The following FOXN3 variants were observed in gnomAD, a reference collection of about 807,000 sequenced individuals.
FOXN3 encodes the protein forkhead box protein N3.
A neutral mutation model predicts 38.4 loss-of-function variants in FOXN3; 7 were observed. That is an observed-to-expected ratio of 0.18 (90% CI 0.10 to 0.34). The LOEUF (loss-of-function observed/expected upper bound fraction) is 0.34. Among genes scored for constraint, FOXN3 ranks in the 10% least tolerant of loss-of-function variants. The pLI, the probability that FOXN3 is intolerant of heterozygous loss-of-function variation, is 1.00. For synonymous variants in FOXN3, 230 were observed against 242.2 expected (o/e 0.95, Z 0.47); for missense variants, 456 against 613.4 (o/e 0.74, Z 2.71).
intron 2 of FOXN3, among the ~76,000 whole-genome samples, chr14:89,374,044 T>C (rs552262284): frequency 1.3e-5 from 2 of 151,778 alleles, no homozygotes; most frequent in Admixed American, 6.6e-5. Flanking sequence ...TGCAGGAGGA[T>C]TGCTTGAACC....
chr14:89,158,881 G>A lies in FOXN3; in HGVS notation c.*3533C>T, dbSNP rs113273778. ...CCCGTTTCCCCCTCCCCCCTGCCCC[G>A]TGTGAGTATGTGAGATACTGGAATG... On this transcript the variant is annotated 3_prime_UTR_variant, in exon 6 of 6. Transcript: ENST00000557258. 2.4e-5 allele frequency: 3 copies of A among 124,780 alleles called. No homozygotes were observed. Among genetic ancestry groups the A allele is most frequent in the Non-Finnish European group, 4.9e-5 (3 of 61,490 alleles). 7.7% of individuals were successfully genotyped at this position (124,780 alleles called of 1,614,324 possible).
intron 1 of FOXN3, among the ~76,000 whole-genome samples, chr14:89,539,780 G>A (rs1463724265): frequency 6.6e-6 from 1 of 152,214 alleles, no homozygotes; most frequent in Non-Finnish European, 1.5e-5. Flanking sequence ...ACACTGATGG[G>A]TGACAGAGGG....
At position 89,251,639 on chromosome 14, in the gene FOXN3, C is replaced by T. The variant is rs1885459819; in HGVS notation, c.745+29311G>A. Among the ~76,000 whole-genome samples, 12 of 152,326 alleles carry T rather than the reference C, an allele frequency of 7.9e-5. No individual in the cohort carries two copies. In the South Asian group the frequency reaches 2.5e-3, roughly 32 times the overall value. Reference sequence around the variant, plus strand: ...AAGAGTACATGGACCTAATCAAGTACTTAAATTTAAAATGTCTGTTTTCCT... The same window carrying T: ...AAGAGTACATGGACCTAATCAAGTATTTAAATTTAAAATGTCTGTTTTCCT... On this transcript the variant is annotated intron_variant, in intron 4 of 5. Transcript: ENST00000557258.
chr14:89,484,924 G>A lies in FOXN3; in HGVS notation c.-14-72434C>T, dbSNP rs1263325656. Among the ~76,000 whole-genome samples the A allele has an allele frequency of 6.6e-6, 1 of 152,136 alleles. No homozygotes were observed. Among genetic ancestry groups the A allele is most frequent in the Non-Finnish European group, 1.5e-5 (1 of 68,022 alleles). Reference sequence around the variant, plus strand: ...GAACGTGCCTTGGGAGGCCAAGGCAGGAGGATCACTTGAGGTCAGGAGTTC... The same window carrying A: ...GAACGTGCCTTGGGAGGCCAAGGCAAGAGGATCACTTGAGGTCAGGAGTTC... On this transcript the variant is annotated intron_variant, in intron 1 of 6. Transcript: ENST00000345097. This position sits in a 1 kb window ranked among gnomAD's most constrained non-coding sequence, Gnocchi z 4.0.
chr14:89,280,727 A>T (rs538060225), intron 4 of FOXN3, among the ~76,000 whole-genome samples: 71 of 152,300 alleles, frequency 4.7e-4, no homozygotes, highest in African/African-American at 1.5e-3. Flanking sequence ...CAGTCCTTAG[A>T]GGCCTGGTTT....
At chr14:89,227,984 C>T (rs1188205706) in intron 4 of FOXN3, among the ~76,000 whole-genome samples, 1 of 152,210 alleles carries the variant, frequency 6.6e-6, no homozygotes, top group Non-Finnish European at 1.5e-5. Flanking sequence ...AAGCAATCTT[C>T]CCACCTCAGC....
At chr14:89,187,597 G>A (rs1005537538) in intron 4 of FOXN3, among the ~76,000 whole-genome samples, 1 of 152,210 alleles carries the variant, frequency 6.6e-6, no homozygotes, top group African/African-American at 2.4e-5. Context: ...TGCCTGTAAT[G>A]CTTCTCCCTT....
chr14:89,609,445 CACA>C (rs1896347105), intron 1 of FOXN3, among the ~76,000 whole-genome samples: 1 of 152,150 alleles, frequency 6.6e-6, no homozygotes, highest in Non-Finnish European at 1.5e-5. Context: ...AGACAAGGAA[CACA>C]ACAACATTGA....
rs999115198 is a variant in FOXN3 at position 89,522,798 on chromosome 14, GA to G, written c.-15+96229del. ...AGAATACTCAATCCAAAAGGAGGCAGAAAAAAAAAGCAATTGAGCCAATATA... is the reference window on the plus strand; with the variant it reads ...AGAATACTCAATCCAAAAGGAGGCAGAAAAAAAAGCAATTGAGCCAATATA... On this transcript the variant is annotated intron_variant, in intron 1 of 6. Coordinates refer to the FOXN3 transcript ENST00000345097. 1.3e-4 allele frequency among the ~76,000 whole-genome samples: 19 copies of G among 148,582 alleles called. No individual in the cohort carries two copies. In the East Asian group the frequency reaches 3.6e-3, roughly 28 times the overall value.
chr14:89,292,251 A>G (rs1886897495), intron 3 of FOXN3, among the ~76,000 whole-genome samples: 1 of 151,996 alleles, frequency 6.6e-6, no homozygotes, highest in African/African-American at 2.4e-5. Flanking sequence ...CCCAGGACTG[A>G]TGATTTCTTA....
At chr14:89,173,430 C>T (rs1383250902) in intron 5 of FOXN3, among the ~76,000 whole-genome samples, 1 of 152,160 alleles carries the variant, frequency 6.6e-6, no homozygotes, top group African/African-American at 2.4e-5. Flanking sequence ...CATGTACATA[C>T]CCTATAAATC....
chr14:89,420,509 G>T (rs907726475), upstream of FOXN3, among the ~76,000 whole-genome samples: 1 of 152,208 alleles, frequency 6.6e-6, no homozygotes, highest in African/African-American at 2.4e-5. Flanking sequence ...TAACCAACTA[G>T]AGTCTTCTAG....
rs1263371592 is a variant in FOXN3 at position 89,616,633 on chromosome 14, A to G, written c.-15+2395T>C. ...CTCTTGTAAACACAAACACCTCATTATAACTTCCCCCGATGAATCCTCATC... is the reference window on the plus strand; with the variant it reads ...CTCTTGTAAACACAAACACCTCATTGTAACTTCCCCCGATGAATCCTCATC... On this transcript the variant is annotated intron_variant, in intron 1 of 6. Transcript: ENST00000345097. Among the ~76,000 whole-genome samples the G allele has an allele frequency of 2.7e-5, 4 of 150,938 alleles. No homozygotes were observed. The Admixed American group carries it at 2.7e-4, about 10-fold the overall frequency.
rs1205544984 is a variant in FOXN3, at chr14:89,158,539, C to CAGAT, written c.*3871_*3874dup. 6.6e-6 allele frequency: 1 copy of CAGAT among 152,580 alleles called. No individual in the cohort carries two copies. Among genetic ancestry groups the CAGAT allele is most frequent in the Non-Finnish European group, 1.5e-5 (1 of 68,042 alleles). 9.5% of individuals were successfully genotyped at this position (152,580 alleles called of 1,614,324 possible). On this transcript the variant is annotated 3_prime_UTR_variant, in exon 6 of 6. Transcript: ENST00000557258. ...ATATGGGTTTGGTTCATTTTAGTTT[C>CAGAT]AGATAGATGGCTTCACCAAAGAACT...
chr14:89,483,184 G>A (rs936703986), intron 1 of FOXN3, among the ~76,000 whole-genome samples: 1 of 152,140 alleles, frequency 6.6e-6, no homozygotes, highest in Non-Finnish European at 1.5e-5. Flanking sequence ...TCTAGCCTGG[G>A]AGGCAGAGTG....
At chr14:89,341,451 T>C (rs537613251) in intron 3 of FOXN3, among the ~76,000 whole-genome samples, 17 of 152,306 alleles carry the variant, frequency 1.1e-4, no homozygotes, top group Admixed American at 9.8e-4. Flanking sequence ...TCGCTTTCCT[T>C]ATCAATCCCC....
chr14:89,286,194 G>C (rs571275225), intron 3 of FOXN3, among the ~76,000 whole-genome samples: 1 of 151,976 alleles, frequency 6.6e-6, no homozygotes, highest in Non-Finnish European at 1.5e-5. Context: ...GGAGTAGGGA[G>C]GGAAGAAGGG....
chr14:89,437,310 C>G (rs1596273213), intron 1 of FOXN3, among the ~76,000 whole-genome samples: 1 of 152,148 alleles, frequency 6.6e-6, no homozygotes, highest in African/African-American at 2.4e-5. Flanking sequence ...TGAAGGAGAA[C>G]AACTCTGTCT....
chr14:89,195,632 T>C (rs1888079355), intron 4 of FOXN3, among the ~76,000 whole-genome samples: 1 of 152,160 alleles, frequency 6.6e-6, no homozygotes, highest in Non-Finnish European at 1.5e-5. Flanking sequence ...ATTGGCTTTG[T>C]AGGATCTTCC....
Sources: gnomAD v4.1 joint callset for allele counts (sites outside exome capture counted in the v4.1 genomes callset) on GRCh38, gnomAD v4.1.1 for gene constraint, Gnocchi (gnomAD v3.1) non-coding constraint, MANE v1.5 for transcripts, NCBI Gene and HGNC (gene_info 2026-07-23, HGNC 2026-07-21) for gene names.